NPAS3: variants seen among roughly 807,000 people sequenced by gnomAD.
NPAS3 encodes neuronal PAS domain protein 3.
In NPAS3, 14 loss-of-function variants were observed where a neutral mutation model predicts 73.1. The ratio of observed to expected loss-of-function variants is 0.19; its 90% CI spans 0.13 to 0.30. NPAS3 has a LOEUF of 0.30. NPAS3 is among the 10% of genes least tolerant of loss of function. The pLI is 1.00. For missense variants in NPAS3, 1,096 were observed against 1,250.0 expected (o/e 0.88, Z 1.86); for synonymous variants, 620 against 541.5 (o/e 1.14, Z -2.01).
upstream of NPAS3, among the ~76,000 whole-genome samples, chr14:32,938,516 A>AGAGAGAGAGAGAGAGAGAGAGAGG (rs1566779466): frequency 8.2e-6 from 1 of 121,618 alleles, no homozygotes; most frequent in Non-Finnish European, 1.8e-5. Context: ...AGAGAGAGAG[A>AGAGAGAGAGAGAGAGAGAGAGAGG]GAGAGAGAAG....
intron 4 of NPAS3, among the ~76,000 whole-genome samples, chr14:33,413,153 C>T (rs2048001226): frequency 6.6e-6 from 1 of 152,084 alleles, no homozygotes; most frequent in African/African-American, 2.4e-5. Context: ...AACAACAATT[C>T]CTTGCTGGAG....
At chr14:33,698,552 A>C (rs1188892997) in intron 6 of NPAS3, among the ~76,000 whole-genome samples, 1 of 152,194 alleles carries the variant, frequency 6.6e-6, no homozygotes, top group Admixed American at 6.5e-5. Context: ...AAAGAAGATA[A>C]ATCACATTTT....
chr14:32,965,552 T>C (rs1468376020), intron 1 of NPAS3, among the ~76,000 whole-genome samples: 1 of 152,180 alleles, frequency 6.6e-6, no homozygotes, highest in Non-Finnish European at 1.5e-5. Flanking sequence ...ATAAAAAGAA[T>C]GTATCTCAAC....
At position 33,283,499 on chromosome 14, in the gene NPAS3, A is replaced by G. The variant is rs79380625; in HGVS notation, c.385+68073A>G. ...TCTAGAATATAAAGCACATAGACAA[A>G]CATACACACAAATGACACTTCAACA... On this transcript the variant is annotated intron_variant, in intron 3 of 11. Coordinates refer to ENST00000356141, the Ensembl canonical transcript of NPAS3. Among the ~76,000 whole-genome samples the G allele has an allele frequency of 5.6e-3, 854 of 152,342 alleles. 10 individuals are homozygous for G. The highest frequency in any genetic ancestry group is 0.032 in the South Asian group (156 of 4,828).
intron 4 of NPAS3, among the ~76,000 whole-genome samples, chr14:33,446,466 C>A (rs141576185): frequency 6.6e-6 from 1 of 152,210 alleles, no homozygotes; most frequent in African/African-American, 2.4e-5. Flanking sequence ...TGAGCCACCG[C>A]GCCCGGCCAC....
At position 33,183,447 on chromosome 14, in the gene NPAS3, T is replaced by G. The variant is rs1302068473; in HGVS notation, c.141-31735T>G. On this transcript the variant is annotated intron_variant, in intron 2 of 11. Transcript: ENST00000356141. Reference sequence around the variant, plus strand: ...TTTTTTTTTTTTTTTTTTTTTTTTTTTTTTTTTTTTGAAACAATCTGTTCT... The same window carrying G: ...TTTTTTTTTTTTTTTTTTTTTTTTTGTTTTTTTTTTGAAACAATCTGTTCT... Among the ~76,000 whole-genome samples, 5 of 115,350 alleles carry G rather than the reference T, an allele frequency of 4.3e-5. 1 individual carries two copies. Among genetic ancestry groups the G allele is most frequent in the Non-Finnish European group, 7.6e-5 (4 of 52,810 alleles). 75.7% of individuals were successfully genotyped at this position (115,350 alleles called of 152,430 possible). A position where few individuals can be genotyped will look rare whatever the true frequency, so the allele number is the denominator to read the frequency against.
chr14:33,240,515 A>G (rs1045008494), intron 3 of NPAS3, among the ~76,000 whole-genome samples: 5 of 151,806 alleles, frequency 3.3e-5, no homozygotes, highest in Non-Finnish European at 7.4e-5. Context: ...CGTTTAATTC[A>G]TCATCAAGCT....
At chr14:33,087,124 A>G (rs1312479935) in intron 2 of NPAS3, among the ~76,000 whole-genome samples, 1 of 121,632 alleles carries the variant, frequency 8.2e-6, no homozygotes, top group Non-Finnish European at 1.6e-5. Flanking sequence ...TATAGTATAC[A>G]ATATAATATT....
Position 33,192,132 on chromosome 14 carries a change from G to GT in NPAS3, c.141-23049dup, listed in dbSNP as rs138676061. On this transcript the variant is annotated intron_variant, in intron 2 of 11. Transcript: ENST00000356141. Reference sequence around the variant, plus strand: ...TTGGACATTGAACTCTGGCTCTGAAGTGACTAGGAGACCTTAGGCAAATTA... The same window carrying GT: ...TTGGACATTGAACTCTGGCTCTGAAGTTGACTAGGAGACCTTAGGCAAATTA... 3.0e-4 allele frequency among the ~76,000 whole-genome samples: 46 copies of GT among 152,284 alleles called. 1 individual carries two copies. The East Asian group carries it at 8.1e-3, about 27-fold the overall frequency.
intron 4 of NPAS3, among the ~76,000 whole-genome samples, chr14:33,504,083 C>T (rs2052646637): frequency 6.6e-6 from 1 of 151,908 alleles, no homozygotes; most frequent in Admixed American, 6.6e-5. Context: ...CCATTGCTTC[C>T]AGAATTTTCC....
intron 5 of NPAS3, among the ~76,000 whole-genome samples, chr14:33,574,737 G>A (rs1298502026): frequency 3.3e-5 from 5 of 152,148 alleles, no homozygotes; most frequent in Admixed American, 1.3e-4. Flanking sequence ...ATTGAACCCA[G>A]GTCTCAGAAG....
chr14:32,967,298 A>G (rs2037215560), intron 1 of NPAS3, among the ~76,000 whole-genome samples: 2 of 152,240 alleles, frequency 1.3e-5, no homozygotes, highest in African/African-American at 4.8e-5. Flanking sequence ...AAGAATATAT[A>G]ATGCAACATA....
chr14:33,622,449 A>G (rs749744840), intron 5 of NPAS3, among the ~76,000 whole-genome samples: 2 of 152,182 alleles, frequency 1.3e-5, no homozygotes, highest in Non-Finnish European at 2.9e-5. Flanking sequence ...TCTTTACTTG[A>G]CTGCCTGCCA....
intron 2 of NPAS3, among the ~76,000 whole-genome samples, chr14:33,063,919 G>A (rs553473078): frequency 8.5e-5 from 13 of 152,216 alleles, no homozygotes; most frequent in Non-Finnish European, 1.6e-4. Context: ...GCATTCAACC[G>A]CCAGCAAGAA....
chr14:33,795,924 T>C (rs1363152921), intron 10 of NPAS3, among the ~76,000 whole-genome samples: 1 of 152,176 alleles, frequency 6.6e-6, no homozygotes, highest in Non-Finnish European at 1.5e-5. Context: ...ATAGAAGACC[T>C]GTTTTAGCTG....
chr14:33,283,414 T>G (rs1308141637), intron 3 of NPAS3, among the ~76,000 whole-genome samples: 1 of 152,220 alleles, frequency 6.6e-6, no homozygotes. Flanking sequence ...TATCCTTCTT[T>G]CTTTAACTTG....
chr14:33,256,410 A>G (rs2048783464), intron 3 of NPAS3, among the ~76,000 whole-genome samples: 1 of 152,230 alleles, frequency 6.6e-6, no homozygotes, highest in Non-Finnish European at 1.5e-5. Flanking sequence ...TTGTTTCCAT[A>G]AATTACAAAT....
chr14:32,934,995 C>T, upstream of NPAS3: 1 of 1,331,674 alleles, frequency 7.5e-7, no homozygotes, highest in East Asian at 3.2e-5. The surrounding 1 kb of genome is among the most constrained non-coding windows in gnomAD (Gnocchi z 4.1). Context: ...TCACCTCCTA[C>T]CAGCAGCGGT....
At chr14:33,709,857 T>TA (rs765408111) in intron 6 of NPAS3, among the ~76,000 whole-genome samples, 19 of 152,176 alleles carry the variant, frequency 1.2e-4, no homozygotes, top group Non-Finnish European at 2.6e-4. Flanking sequence ...GGATGGTTGA[T>TA]ATGTATCATG....
Sources: allele counts gnomAD v4.1 joint callset (sites outside exome capture counted in the v4.1 genomes callset), GRCh38; gene constraint gnomAD v4.1.1; non-coding constraint Gnocchi (gnomAD v3.1); transcripts MANE v1.5; gene names NCBI Gene and HGNC (gene_info 2026-07-23, HGNC 2026-07-21).